The following ZNF507 variants were observed in gnomAD, a reference collection of about 807,000 sequenced individuals.
ZNF507 encodes the protein zinc finger protein 507.
Under a neutral mutation model 80.0 loss-of-function variants are expected in ZNF507, and 29 were observed. The observed-to-expected ratio is 0.36, with a 90% CI of 0.27 to 0.49. ZNF507 has a LOEUF of 0.49. ZNF507 is among the 20% of genes least tolerant of loss of function. The pLI, the probability that ZNF507 is intolerant of heterozygous loss-of-function variation, is 0.98. For missense variants in ZNF507, 1,081 were observed against 1,152.2 expected (o/e 0.94, Z 0.90); for synonymous variants, 462 against 422.5 (o/e 1.09, Z -1.15).
intron 5 of ZNF507, among the ~76,000 whole-genome samples, chr19:32,371,521 G>A (rs576056408): frequency 5.3e-5 from 8 of 151,338 alleles, no homozygotes; most frequent in Admixed American, 2.0e-4. Context: ...GCCCAGGAAC[G>A]TTCTTATCTC....
At chr19:32,373,535 G>C (rs1231637860) in intron 5 of ZNF507, among the ~76,000 whole-genome samples, 2 of 152,214 alleles carry the variant, frequency 1.3e-5, no homozygotes, top group African/African-American at 2.4e-5. Context: ...CAAGTGGTCA[G>C]TTGTCCTTTC....
chr19:32,355,860 A>G (rs1471219482), intron 3 of ZNF507, among the ~76,000 whole-genome samples: 6 of 152,060 alleles, frequency 3.9e-5, no homozygotes, highest in African/African-American at 4.8e-5. Context: ...TTAGCTGGGT[A>G]TGGTGGTGGG....
chr19:32,352,975 C>T lies in ZNF507; in HGVS notation c.145C>T (p.Gln49Ter), dbSNP rs767686902. Residue 49 changes from glutamine (Q) to a stop codon, truncating the protein, a stop_gained, in exon 3 of 7, where the codon CAG becomes TAG. Coordinates refer to ENST00000355898, the MANE Select transcript of ZNF507 (RefSeq NM_001136156.2). LOFTEE classifies it high-confidence loss of function. The part of the protein sequence containing the change: ...TKPDPLIHVI[Q>*]KLSKIVENEK... Reference sequence around the variant, plus strand: ...ACCAGATCCATTAATCCATGTTATCCAGAAGTTAAGCAAGATAGTGGAAAA... The same window carrying T: ...ACCAGATCCATTAATCCATGTTATCTAGAAGTTAAGCAAGATAGTGGAAAA... 1 of 1,614,002 alleles carries T rather than the reference C, an allele frequency of 6.2e-7. No homozygotes were observed. The highest frequency in any genetic ancestry group is 1.7e-5 in the Admixed American group (1 of 59,996).
At chr19:32,365,860 C>T (rs147165170) in intron 5 of ZNF507, among the ~76,000 whole-genome samples, 13 of 152,260 alleles carry the variant, frequency 8.5e-5, no homozygotes, top group Admixed American at 6.5e-4. Context: ...ACACACTGCC[C>T]GGGACATAGT....
At chr19:32,361,026 A>AT (rs1340373194) in intron 5 of ZNF507, among the ~76,000 whole-genome samples, 2 of 152,194 alleles carry the variant, frequency 1.3e-5, no homozygotes, top group African/African-American at 4.8e-5. Context: ...TACATAGGAA[A>AT]TTGTCTTTAT....
At chr19:32,377,291 C>T (rs1174903105) in intron 5 of ZNF507, among the ~76,000 whole-genome samples, 1 of 152,164 alleles carries the variant, frequency 6.6e-6, no homozygotes, top group East Asian at 1.9e-4. Context: ...CTGGCATTAC[C>T]GCTAGACCAA....
Position 32,353,211 on chromosome 19 carries a change from T to C in ZNF507, c.381T>C (p.Cys127=). The change falls in exon 3 of 7, where the codon TGT becomes TGC. Residue 127 remains cysteine (C), a synonymous_variant. Coordinates refer to ENST00000355898, the MANE Select transcript of ZNF507 (RefSeq NM_001136156.2). ...QNEGKAMSYQ[C]SLCKFLSSSF... Reference sequence around the variant, plus strand: ...AAGGGAAGGCTATGTCTTATCAGTGTAGCCTTTGTAAGTTTCTATCATCAT... The same window carrying C: ...AAGGGAAGGCTATGTCTTATCAGTGCAGCCTTTGTAAGTTTCTATCATCAT... The C allele has an allele frequency of 6.2e-7, 1 of 1,614,250 alleles. No homozygotes were observed. Among genetic ancestry groups the C allele is most frequent in the Non-Finnish European group, 8.5e-7 (1 of 1,180,032 alleles).
intron 5 of ZNF507, among the ~76,000 whole-genome samples, chr19:32,376,546 G>A (rs1482172660): frequency 1.3e-5 from 2 of 152,292 alleles, no homozygotes; most frequent in South Asian, 2.1e-4. Context: ...GAGGCCCAGG[G>A]GGCAAGGCTG....
chr19:32,357,031 A>G, intron 4 of ZNF507: 1 of 256,420 alleles, frequency 3.9e-6, no homozygotes, highest in Non-Finnish European at 7.5e-6. Context: ...CAGAAAAGCT[A>G]CAACATGGAA....
At position 32,354,383 on chromosome 19, in the gene ZNF507, A is replaced by G. The variant is rs1967219102; in HGVS notation, c.1553A>G (p.Tyr518Cys). 9.3e-6 allele frequency: 15 copies of G among 1,614,140 alleles called. No individual in the cohort carries two copies. The highest frequency in any genetic ancestry group is 1.1e-5 in the Non-Finnish European group (13 of 1,180,018). ...AELTRANLGHYGDINLLDPDT... is the reference protein window; with the variant it reads ...AELTRANLGHCGDINLLDPDT... ...TTGACAAGAGCCAACCTGGGGCACTATGGAGATATAAACCTTTTAGATCCA... is the reference window on the plus strand; with the variant it reads ...TTGACAAGAGCCAACCTGGGGCACTGTGGAGATATAAACCTTTTAGATCCA... Residue 518 changes from tyrosine (Y) to cysteine (C), a missense_variant, in exon 3 of 7, where the codon TAT (tyrosine) becomes TGT (cysteine). Tyr to Cys is a radical substitution (Grantham distance 194). Coordinates refer to ENST00000355898, the MANE Select transcript of ZNF507 (RefSeq NM_001136156.2).
At position 32,353,031 on chromosome 19, in the gene ZNF507, G is replaced by A. The variant is rs1377247556; in HGVS notation, c.201G>A (p.Gly67=). The part of the protein sequence containing the change: ...NEKSQKCLLI[G]KKRPRSSAAT... ...AGTCACAAAAATGTCTTTTAATTGGGAAGAAACGCCCACGTTCAAGTGCTG... is the reference window on the plus strand; with the variant it reads ...AGTCACAAAAATGTCTTTTAATTGGAAAGAAACGCCCACGTTCAAGTGCTG... Residue 67 remains glycine, a synonymous_variant, in exon 3 of 7, where the codon GGG becomes GGA. Transcript: ENST00000355898. 2 of 1,613,924 alleles carry A rather than the reference G, an allele frequency of 1.2e-6. No individual in the cohort carries two copies. The highest frequency in any genetic ancestry group is 2.2e-5 in the South Asian group (2 of 91,036).
At chr19:32,371,634 A>G (rs933846940) in intron 5 of ZNF507, among the ~76,000 whole-genome samples, 7 of 92,552 alleles carry the variant, frequency 7.6e-5, no homozygotes, top group Non-Finnish European at 1.6e-4. Context: ...GTTTATTATT[A>G]TTATTATTAT....
At chr19:32,347,396 C>T (rs899242637) in intron 2 of ZNF507, 58 bp downstream of exon 2, 2 of 152,206 alleles carry the variant, frequency 1.3e-5, no homozygotes, top group Non-Finnish European at 2.9e-5. Flanking sequence ...ATAACACCCA[C>T]CTAGCCTGTC....
chr19:32,354,269 C>T lies in ZNF507; in HGVS notation c.1439C>T (p.Pro480Leu), dbSNP rs868660122. 3 of 1,614,056 alleles carry T rather than the reference C, an allele frequency of 1.9e-6. No individual in the cohort carries two copies. In the African/African-American group the frequency reaches 4.0e-5, roughly 22 times the overall value. ...KGLATDENAPPGRRRTNSESL... is the reference protein window; with the variant it reads ...KGLATDENAPLGRRRTNSESL... ...CTGGCTACTGATGAGAATGCCCCAC[C>T]AGGCCGGAGAAGGACAAATTCTGAG... Residue 480 changes from proline to leucine, a missense_variant, in exon 3 of 7, where the codon CCA (proline) becomes CTA (leucine). This residue lies in a region of ZNF507 where 614 missense variants were observed against 583.9 expected (regional missense o/e 1.05). Transcript: ENST00000355898.
intron 5 of ZNF507, among the ~76,000 whole-genome samples, chr19:32,381,122 A>G (rs1245213918): frequency 6.6e-6 from 1 of 152,206 alleles, no homozygotes; most frequent in African/African-American, 2.4e-5. Context: ...CCATACATGC[A>G]TATCGCTATG....
At chr19:32,361,242 A>G (rs1057306257) in intron 5 of ZNF507, among the ~76,000 whole-genome samples, 1 of 152,190 alleles carries the variant, frequency 6.6e-6, no homozygotes, top group Admixed American at 6.5e-5. Context: ...TAATTTCATT[A>G]CTTGATTTTT....
rs1193956781 is a variant in ZNF507 at position 32,383,266 on chromosome 19, T to C, written c.*183T>C. ...GGAATTCCAAATGGACAAGCAGTAA[T>C]GATATTTAAATATTTTGAGTGAGGG... On this transcript the variant is annotated 3_prime_UTR_variant, in exon 7 of 7. Coordinates refer to ENST00000355898, the MANE Select transcript of ZNF507 (RefSeq NM_001136156.2). The C allele has an allele frequency of 2.7e-6, 2 of 749,944 alleles. No homozygotes were observed. Among genetic ancestry groups the C allele is most frequent in the African/African-American group, 1.8e-5 (1 of 56,462 alleles). 46.5% of individuals were successfully genotyped at this position (749,944 alleles called of 1,614,324 possible).
intron 4 of ZNF507, chr19:32,359,919 T>G (rs979756357): frequency 1.3e-5 from 2 of 151,816 alleles, no homozygotes; most frequent in African/African-American, 2.4e-5. Context: ...GGGGGAGAGA[T>G]CTCTTGCTCT....
chr19:32,349,064 G>A (rs1199588794), intron 2 of ZNF507, among the ~76,000 whole-genome samples: 3 of 152,224 alleles, frequency 2.0e-5, no homozygotes, highest in African/African-American at 7.2e-5. Flanking sequence ...GCAGCATTAG[G>A]AGAGGGAGAG....
Sources: gnomAD v4.1 joint callset for allele counts (sites outside exome capture counted in the v4.1 genomes callset) on GRCh38, gnomAD v4.1.1 for gene constraint, gnomAD v4.1.1 regional missense constraint, MANE v1.5 for transcripts, NCBI Gene and HGNC (gene_info 2026-07-23, HGNC 2026-07-21) for gene names.